Variants in DOT1L observed in about 807,000 individuals in gnomAD.
The protein encoded by DOT1L is histone-lysine N-methyltransferase, H3 lysine-79 specific.
DOT1L carries 33 observed loss-of-function variants against 153.3 expected under a neutral mutation model. That is an observed-to-expected ratio of 0.22 (90% CI 0.16 to 0.29). The LOEUF (loss-of-function observed/expected upper bound fraction) is 0.29, where lower values mean the gene tolerates loss of function less well. Ranked by LOEUF, DOT1L falls within the 10% of genes least tolerant of loss-of-function variation. DOT1L has a pLI of 1.00. For missense variants in DOT1L, 1,847 were observed against 2,119.9 expected, an observed-to-expected ratio of 0.87 and a Z score of 2.53; for synonymous variants, 1,135 against 965.1, an observed-to-expected ratio of 1.18 and a Z score of -3.26.
rs911382726 is a variant in DOT1L at position 2,193,881 on chromosome 19, G to C, written c.588+98G>C. 1 of 1,296,424 alleles carries C rather than the reference G, an allele frequency of 7.7e-7. No homozygotes were observed. The highest frequency in any genetic ancestry group is 1.5e-5 in the African/African-American group (1 of 68,780). 80.3% of individuals were successfully genotyped at this position (1,296,424 alleles called of 1,614,324 possible). A position where few individuals can be genotyped will look rare whatever the true frequency, so the allele number is the denominator to read the frequency against. On this transcript the variant is annotated intron_variant, in intron 6 of 27. Coordinates refer to ENST00000398665, the MANE Select transcript of DOT1L (RefSeq NM_032482.3). This position sits in a 1 kb window ranked among gnomAD's most constrained non-coding sequence, Gnocchi z 5.9. Reference sequence around the variant, plus strand: ...CACCCCACTGCTGTGGGACTTCCGAGTCTGGGTGGCGTTCTTTCCAGGCCC... The same window carrying C: ...CACCCCACTGCTGTGGGACTTCCGACTCTGGGTGGCGTTCTTTCCAGGCCC...
At chr19:2,228,558 A>C in intron 27 of DOT1L, 1 of 985,348 alleles carries the variant, frequency 1.0e-6, no homozygotes, top group Non-Finnish European at 1.2e-6. Flanking sequence ...GACGGGCACC[A>C]GCCATGGAGT....
rs1359071044 is a variant in DOT1L, at chr19:2,190,985, C to T, written c.265-27C>T. On this transcript the variant is annotated intron_variant, in intron 4 of 27. Coordinates refer to ENST00000398665, the MANE Select transcript of DOT1L (RefSeq NM_032482.3). The surrounding 1 kb of genome is among the most constrained non-coding windows in gnomAD (Gnocchi z 4.8). ...GGGCTGGGCCGTGAGGTTTATGTGA[C>T]ATGGCCGGGCCACCCTCCGTCCGCA... 2 of 1,567,084 alleles carry T rather than the reference C, an allele frequency of 1.3e-6. No homozygotes were observed. The highest frequency in any genetic ancestry group is 1.8e-5 in the Admixed American group (1 of 54,490).
intron 1 of DOT1L, among the ~76,000 whole-genome samples, chr19:2,169,524 C>T (rs1417668304): frequency 2.0e-5 from 3 of 152,102 alleles, no homozygotes; most frequent in Non-Finnish European, 2.9e-5. Flanking sequence ...GAGACGGACT[C>T]GCTCTGTCTC....
intron 27 of DOT1L, chr19:2,229,431 G>T: frequency 1.0e-5 from 10 of 985,486 alleles, no homozygotes; most frequent in Non-Finnish European, 1.1e-5. Context: ...GCTGTGGCCA[G>T]GGCTGGTCAG....
chr19:2,206,879 T>G lies in DOT1L; in HGVS notation c.856+82T>G. 2.8e-6 allele frequency: 4 copies of G among 1,413,052 alleles called. No homozygotes were observed. In the South Asian group the frequency reaches 3.5e-5, roughly 12 times the overall value. The allele number at this position is 1,413,052 out of a possible 1,614,324, so 87.5% of individuals were successfully genotyped here. ...GCAGTATTCCTAGGTCCCTCTTCCT[T>G]GACCCTGTGGACACTGGGGCTGGAT... On this transcript the variant is annotated intron_variant, in intron 10 of 27. Transcript: ENST00000398665.
intron 1 of DOT1L, among the ~76,000 whole-genome samples, chr19:2,166,807 T>TGG: frequency 6.6e-6 from 1 of 152,314 alleles, no homozygotes; most frequent in South Asian, 2.1e-4. Context: ...ACTCATTGGG[T>TGG]GGTGCCCTGA....
chr19:2,199,442 C>T (rs2023153981), intron 7 of DOT1L, among the ~76,000 whole-genome samples: 1 of 152,258 alleles, frequency 6.6e-6, no homozygotes, highest in Admixed American at 6.5e-5. Flanking sequence ...GCCCTGTGGC[C>T]TCCCTCAGGC....
intron 2 of DOT1L, among the ~76,000 whole-genome samples, chr19:2,183,536 C>T (rs2022343899): frequency 1.3e-5 from 2 of 152,078 alleles, no homozygotes; most frequent in Admixed American, 6.6e-5. Context: ...GAAAAGCTAG[C>T]TGGGCTTTTT....
chr19:2,229,573 C>T (rs984894789), intron 27 of DOT1L: 13 of 985,428 alleles, frequency 1.3e-5, no homozygotes, highest in East Asian at 1.1e-4. Context: ...GGAGCTTGGC[C>T]GGCGTGTCCA....
Position 2,217,937 on chromosome 19 carries a change from G to C in DOT1L, c.2691+19G>C. The stretch of plus-strand genomic sequence containing the variant: ...GAGGGCGGTGAGTGGCTCCCAGGTG[G>C]CTGTCCCCAAGGGCCACGTTGAGGC... On this transcript the variant is annotated intron_variant, in intron 22 of 27. Coordinates refer to ENST00000398665, the MANE Select transcript of DOT1L (RefSeq NM_032482.3). The surrounding 1 kb of genome is among the most constrained non-coding windows in gnomAD (Gnocchi z 7.3). 6.2e-7 allele frequency: 1 copy of C among 1,607,940 alleles called. No homozygotes were observed. Among genetic ancestry groups the C allele is most frequent in the Non-Finnish European group, 8.5e-7 (1 of 1,178,826 alleles).
At chr19:2,195,029 T>C (rs977115395) in intron 7 of DOT1L, among the ~76,000 whole-genome samples, 8 of 152,100 alleles carry the variant, frequency 5.3e-5, no homozygotes, top group Non-Finnish European at 5.9e-5. Context: ...CCCGCCCTGT[T>C]GTGATGCAGT....
intron 1 of DOT1L, among the ~76,000 whole-genome samples, chr19:2,177,131 G>T (rs1033847399): frequency 1.3e-5 from 2 of 152,224 alleles, no homozygotes; most frequent in Admixed American, 6.5e-5. Context: ...TCCCCCGTGA[G>T]GGGGAGCTCT....
chr19:2,209,053 C>A, intron 12 of DOT1L, 77 bp downstream of exon 12: 1 of 1,529,696 alleles, frequency 6.5e-7, no homozygotes, highest in Non-Finnish European at 8.9e-7. Flanking sequence ...CGTGCGCAGC[C>A]GGGTTCAGGA....
In DOT1L at chr19:2,222,103, G is replaced by A. The variant is rs765517846; in HGVS notation, c.2934G>A (p.Val978=). ...GCTCTGGGAGCCTTTTTGCCACCGT[G>A]GGGTCCCGCAGCTCCACGCCACAGC... ...SSSSGSLFAT[V]GSRSSTPQHP... is the part of the protein sequence containing the mutation. Residue 978 remains valine, a synonymous_variant, in exon 24 of 28, where the codon GTG becomes GTA. Transcript: ENST00000398665. The surrounding 1 kb of genome is among the most constrained non-coding windows in gnomAD (Gnocchi z 6.5). The A allele has an allele frequency of 2.5e-6, 4 of 1,613,228 alleles. No homozygotes were observed. The highest frequency in any genetic ancestry group is 3.3e-5 in the Admixed American group (2 of 60,000).
In DOT1L at chr19:2,197,607, A is replaced by G. The variant is rs1391821316; in HGVS notation, c.652-2277A>G. On this transcript the variant is annotated intron_variant, in intron 7 of 27. Coordinates refer to ENST00000398665, the MANE Select transcript of DOT1L (RefSeq NM_032482.3). The surrounding 1 kb of genome is among the most constrained non-coding windows in gnomAD (Gnocchi z 4.1). ...TGAGCAGCATGGTGTCTAGTGTGGCACAGGTGCTCCTGGCATGGAGCTGCG... is the reference window on the plus strand; with the variant it reads ...TGAGCAGCATGGTGTCTAGTGTGGCGCAGGTGCTCCTGGCATGGAGCTGCG... Among the ~76,000 whole-genome samples, 1 of 152,144 alleles carries G rather than the reference A, an allele frequency of 6.6e-6. No homozygotes were observed. The highest frequency in any genetic ancestry group is 1.5e-5 in the Non-Finnish European group (1 of 68,018).
At chr19:2,194,967 G>A (rs775398914) in intron 7 of DOT1L, among the ~76,000 whole-genome samples, 122 of 152,258 alleles carry the variant, frequency 8.0e-4, no homozygotes, top group Non-Finnish European at 1.2e-3. Context: ...CTGGTCCTCA[G>A]TGCTGTGTTC....
rs61741267 is a variant in DOT1L at position 2,222,425 on chromosome 19, C to T, written c.3256C>T (p.Arg1086Cys). 3.2e-4 allele frequency: 510 copies of T among 1,609,568 alleles called. No homozygotes were observed. Among genetic ancestry groups the T allele is most frequent in the Non-Finnish European group, 4.1e-4 (480 of 1,178,570 alleles). The change falls in exon 24 of 28, where the codon CGC (arginine) becomes TGC (cysteine). Residue 1086 changes from arginine (R) to cysteine (C), a missense_variant. Transcript: ENST00000398665. The surrounding 1 kb of genome is among the most constrained non-coding windows in gnomAD (Gnocchi z 6.5). ...VPSHGQDSRR[R>C]GRRKRASAGT... Reference sequence around the variant, plus strand: ...GAGCCACGGGCAGGACAGTCGCAGGCGCGGCCGGCGGAAGCGAGCATCTGC... The same window carrying T: ...GAGCCACGGGCAGGACAGTCGCAGGTGCGGCCGGCGGAAGCGAGCATCTGC...
intron 7 of DOT1L, 128 bp downstream of exon 7, chr19:2,194,705 C>T (rs2022945839): frequency 3.4e-6 from 2 of 583,150 alleles, no homozygotes; most frequent in Admixed American, 3.7e-5. Flanking sequence ...CCCTGGAGTC[C>T]CCTCTGGTTC....
rs931350204 is a variant in DOT1L at position 2,204,152 on chromosome 19, C to T, written c.787+1373C>T. ...GCATGCCTGTGTCTCTGTGTGTGCCCGTGTGCCTGTGTGTCTGTTAGCGTG... is the reference window on the plus strand; with the variant it reads ...GCATGCCTGTGTCTCTGTGTGTGCCTGTGTGCCTGTGTGTCTGTTAGCGTG... On this transcript the variant is annotated intron_variant, in intron 9 of 27. Transcript: ENST00000398665. This position sits in a 1 kb window ranked among gnomAD's most constrained non-coding sequence, Gnocchi z 5.7. 6.6e-6 allele frequency among the ~76,000 whole-genome samples: 1 copy of T among 151,090 alleles called. No individual in the cohort carries two copies. Among genetic ancestry groups the T allele is most frequent in the African/African-American group, 2.4e-5 (1 of 41,074 alleles).
Sources: allele counts gnomAD v4.1 joint callset (sites outside exome capture counted in the v4.1 genomes callset), GRCh38; gene constraint gnomAD v4.1.1; non-coding constraint Gnocchi (gnomAD v3.1); transcripts MANE v1.5; gene names NCBI Gene and HGNC (gene_info 2026-07-23, HGNC 2026-07-21).